The following PRKCH variants were observed in gnomAD, a reference collection of about 807,000 sequenced individuals.
The protein encoded by PRKCH is protein kinase C eta type.
A neutral mutation model predicts 82.5 loss-of-function variants in PRKCH; 28 were observed. The ratio of observed to expected loss-of-function variants is 0.34; its 90% CI spans 0.25 to 0.47. The LOEUF is 0.47. PRKCH is among the 20% of genes least tolerant of loss of function. The pLI, the probability that PRKCH is intolerant of heterozygous loss-of-function variation, is 1.00. For synonymous variants in PRKCH, 322 were observed against 327.4 expected (o/e 0.98, Z 0.18); for missense variants, 705 against 881.8 (o/e 0.80, Z 2.54).
intron 1 of PRKCH, among the ~76,000 whole-genome samples, chr14:61,257,606 C>G (rs2045008922): frequency 2.2e-5 from 1 of 46,368 alleles, no homozygotes; most frequent in Non-Finnish European, 4.8e-5. Flanking sequence ...CACACACAGA[C>G]ACACACACAC....
intron 2 of PRKCH, among the ~76,000 whole-genome samples, chr14:61,422,769 G>A (rs1270204894): frequency 6.6e-6 from 1 of 152,112 alleles, no homozygotes; most frequent in Non-Finnish European, 1.5e-5. Context: ...CTTACTTACT[G>A]TGGGATAGAG....
At chr14:61,260,466 AC>A (rs1434457070) in intron 1 of PRKCH, among the ~76,000 whole-genome samples, 5 of 152,164 alleles carry the variant, frequency 3.3e-5, no homozygotes, top group Non-Finnish European at 7.3e-5. Flanking sequence ...AAAAATAAAA[AC>A]TATCATATGT....
At chr14:61,439,702 G>A (rs1883865028) in intron 2 of PRKCH, among the ~76,000 whole-genome samples, 1 of 152,174 alleles carries the variant, frequency 6.6e-6, no homozygotes, top group South Asian at 2.1e-4. Flanking sequence ...TAGGATTTGG[G>A]GGAGTTTGCT....
chr14:61,459,558 T>C (rs1884936688), intron 9 of PRKCH, among the ~76,000 whole-genome samples: 1 of 152,096 alleles, frequency 6.6e-6, no homozygotes, highest in Admixed American at 6.5e-5. Context: ...TTGGGTTTAG[T>C]CCTGAGAGCA....
Position 61,457,277 on chromosome 14 carries a change from C to G in PRKCH, c.1062C>G (p.Asn354Lys). Residue 354 changes from asparagine to lysine, a missense_variant, in exon 8 of 14, where the codon AAC becomes AAG. Physicochemically the swap from Asn to Lys is moderately conservative, Grantham distance 94. Around this residue, in one of 5 missense-constraint regions of PRKCH, gnomAD observed 238 missense variants for 258.1 expected, o/e 0.92. Transcript: ENST00000332981. ...CTTCCAACCGACTTGGTATCGACAA[C>G]TTTGAGTTCATCCGAGTGTTGGGGA... ...VNSSNRLGIDNFEFIRVLGKG... is the reference protein window; with the variant it reads ...VNSSNRLGIDKFEFIRVLGKG... 4 of 1,614,172 alleles carry G rather than the reference C, an allele frequency of 2.5e-6. No individual in the cohort carries two copies. The highest frequency in any genetic ancestry group is 3.4e-6 in the Non-Finnish European group (4 of 1,180,040).
chr14:61,312,264 G>A (rs2045530979), intron 1 of PRKCH, among the ~76,000 whole-genome samples: 1 of 152,174 alleles, frequency 6.6e-6, no homozygotes, highest in Admixed American at 6.5e-5. Context: ...AGCTTCCTAA[G>A]CAGCTGGGAT....
chr14:61,188,611 G>GGTGTGTGT (rs1170634010), intron 1 of PRKCH, among the ~76,000 whole-genome samples: 3 of 51,024 alleles, frequency 5.9e-5, no homozygotes, highest in African/African-American at 1.4e-4. Flanking sequence ...GGGGTGGTGT[G>GGTGTGTGT]GTGTGTGTGT....
chr14:61,282,872 G>T (rs1396963938), intron 1 of PRKCH, among the ~76,000 whole-genome samples: 1 of 152,010 alleles, frequency 6.6e-6, no homozygotes, highest in African/African-American at 2.4e-5. Context: ...AAAATTCTCA[G>T]CAAGTTCCCA....
chr14:61,412,292 A>G, intron 2 of PRKCH, among the ~76,000 whole-genome samples: 1 of 152,242 alleles, frequency 6.6e-6, no homozygotes, highest in East Asian at 1.9e-4. Flanking sequence ...TATATTCCAT[A>G]TGTTAAGCAG....
At chr14:61,440,046 A>C (rs369420294) in intron 2 of PRKCH, among the ~76,000 whole-genome samples, 1 of 152,240 alleles carries the variant, frequency 6.6e-6, no homozygotes, top group Non-Finnish European at 1.5e-5. Flanking sequence ...TCTATACATG[A>C]TAAGTGTTTA....
intron 1 of PRKCH, among the ~76,000 whole-genome samples, chr14:61,335,888 A>C (rs929134595): frequency 6.6e-6 from 1 of 152,192 alleles, no homozygotes; most frequent in Non-Finnish European, 1.5e-5. Context: ...TTGGACAACT[A>C]CCATAATTAT....
rs1007605341 is a variant in PRKCH at position 61,422,692 on chromosome 14, CCTT to C, written c.428-20417_428-20415del. Among the ~76,000 whole-genome samples the C allele has an allele frequency of 6.4e-4, 98 of 152,304 alleles. 2 individuals are homozygous for C. Among genetic ancestry groups the C allele is most frequent in the African/African-American group, 2.3e-3 (95 of 41,554 alleles). ...GTATTTTAACCGTCTAGTTGTGTGT[CCTT>C]CCTCCTAGACCACTGGTTTTCAGGA... is the stretch of plus-strand genomic sequence containing the variant. On this transcript the variant is annotated intron_variant, in intron 2 of 13. Transcript: ENST00000332981.
rs757619181 is a variant in PRKCH at position 61,453,348 on chromosome 14, A to G, written c.955A>G (p.Thr319Ala). ...TCTCCAACCCGGAAATATTTCTCCA[A>G]CCTCGGTGAGACTTTGCTTTTTTTC... ...MGLQPGNISP[T>A]SKLVSRSTLR... The change falls in exon 7 of 14, where the codon ACC (threonine) becomes GCC (alanine). Residue 319 changes from threonine (T) to alanine (A), a missense_variant. Around this residue, in one of 5 missense-constraint regions of PRKCH, gnomAD observed 238 missense variants for 258.1 expected, o/e 0.92. Coordinates refer to ENST00000332981, the MANE Select transcript of PRKCH (RefSeq NM_006255.5). The G allele has an allele frequency of 1.1e-5, 17 of 1,612,650 alleles. No individual in the cohort carries two copies. The highest frequency in any genetic ancestry group is 6.7e-5 in the Admixed American group (4 of 59,858).
At chr14:61,218,074 C>T (rs1285619353) in intron 1 of PRKCH, among the ~76,000 whole-genome samples, 1 of 152,194 alleles carries the variant, frequency 6.6e-6, no homozygotes, top group Non-Finnish European at 1.5e-5. Context: ...GCATGCTTAC[C>T]TTGACTTCTC....
At chr14:61,208,801 G>T (rs543979287) in intron 1 of PRKCH, among the ~76,000 whole-genome samples, 2 of 152,220 alleles carry the variant, frequency 1.3e-5, no homozygotes, top group East Asian at 3.9e-4. Context: ...AATTACCATT[G>T]CTATGATCTG....
intron 9 of PRKCH, among the ~76,000 whole-genome samples, chr14:61,465,568 G>T (rs897197914): frequency 4.6e-5 from 7 of 152,120 alleles, no homozygotes; most frequent in Non-Finnish European, 2.9e-5. Context: ...TCTGTATTCT[G>T]TCCCATTGGT....
rs757330801 is a variant in PRKCH at position 61,457,692 on chromosome 14, C to T, written c.1278+13C>T. On this transcript the variant is annotated intron_variant, in intron 9 of 13. Transcript: ENST00000332981. ...CTTTCAGACCCCCGTAAGTATGAAT[C>T]ACATTCACTGCACCAACAGCCTCTT... 26 of 1,612,868 alleles carry T rather than the reference C, an allele frequency of 1.6e-5. 1 individual carries two copies. The African/African-American group carries it at 2.7e-4, about 17-fold the overall frequency.
intron 1 of PRKCH, chr14:61,304,538 A>G (rs2045471389): frequency 6.6e-6 from 1 of 152,162 alleles, no homozygotes; most frequent in Admixed American, 6.6e-5. Flanking sequence ...AAATGTTAGA[A>G]TTCTGGCCAG....
chr14:61,290,617 C>G (rs902096472), intron 1 of PRKCH, among the ~76,000 whole-genome samples: 6 of 152,132 alleles, frequency 3.9e-5, no homozygotes, highest in African/African-American at 1.4e-4. Context: ...TATCCTTGGG[C>G]TTCTAAGAAA....
Sources: allele counts gnomAD v4.1 joint callset (sites outside exome capture counted in the v4.1 genomes callset), GRCh38; gene constraint gnomAD v4.1.1; regional missense constraint gnomAD v4.1.1; transcripts MANE v1.5; gene names NCBI Gene and HGNC (gene_info 2026-07-23, HGNC 2026-07-21).